The following UBR3 variants were observed in gnomAD, a reference collection of about 807,000 sequenced individuals.
The protein encoded by UBR3 is ubiquitin protein ligase E3 component n-recognin 3.
Under a neutral mutation model 243.2 loss-of-function variants are expected in UBR3, and 85 were observed. The ratio of observed to expected loss-of-function variants is 0.35; its 90% CI spans 0.29 to 0.42. UBR3 has a LOEUF of 0.42. UBR3 is among the 10% of genes least tolerant of loss of function. The pLI is 1.00. For missense variants in UBR3, 1,686 were observed against 2,300.8 expected (o/e 0.73, Z 5.47); for synonymous variants, 748 against 799.8 (o/e 0.94, Z 1.09).
intron 1 of UBR3, among the ~76,000 whole-genome samples, chr2:169,846,991 GC>G (rs1467453827): frequency 6.6e-6 from 1 of 152,058 alleles, no homozygotes; most frequent in East Asian, 1.9e-4. Flanking sequence ...TGGCCCCTTG[GC>G]CTTTCAAAGT....
chr2:169,966,533 A>C (rs1482890879), intron 24 of UBR3, among the ~76,000 whole-genome samples: 1 of 152,140 alleles, frequency 6.6e-6, no homozygotes. Flanking sequence ...GAATTTCCCT[A>C]CATTATTATT....
intron 10 of UBR3, among the ~76,000 whole-genome samples, chr2:169,908,534 G>C (rs2085108967): frequency 6.6e-6 from 1 of 152,044 alleles, no homozygotes; most frequent in African/African-American, 2.4e-5. Flanking sequence ...TAAGTTTTTG[G>C]TACTGAACCA....
intron 1 of UBR3, among the ~76,000 whole-genome samples, chr2:169,870,648 TA>T (rs2083404315): frequency 6.6e-6 from 1 of 152,028 alleles, no homozygotes; most frequent in African/African-American, 2.4e-5. Context: ...AACTGTCTTT[TA>T]TTATTATTAT....
At chr2:170,078,048 T>G in intron 36 of UBR3, 5 of 684,720 alleles carry the variant, frequency 7.3e-6, no homozygotes, top group Non-Finnish European at 8.3e-6. Flanking sequence ...AGGCAGGTAC[T>G]GCTCCCTGTG....
At chr2:169,853,912 G>C (rs1241693097) in intron 1 of UBR3, among the ~76,000 whole-genome samples, 1 of 151,964 alleles carries the variant, frequency 6.6e-6, no homozygotes, top group Non-Finnish European at 1.5e-5. Flanking sequence ...TCTAGTCTTG[G>C]GACTTCCTTG....
chr2:169,860,161 A>G (rs2083039834), intron 1 of UBR3, among the ~76,000 whole-genome samples: 1 of 151,946 alleles, frequency 6.6e-6, no homozygotes, highest in Non-Finnish European at 1.5e-5. Flanking sequence ...TTTTGGGTCT[A>G]TGTCTGTTAA....
intron 35 of UBR3, among the ~76,000 whole-genome samples, chr2:170,061,981 G>C (rs1447416334): frequency 6.6e-6 from 1 of 152,148 alleles, no homozygotes; most frequent in Admixed American, 6.6e-5. Flanking sequence ...GATCAATGAT[G>C]ATACATTCCC....
In UBR3 at chr2:170,080,551, C is replaced by G; in HGVS notation, c.5416C>G (p.Gln1806Glu). The change falls in exon 38 of 39, where the codon CAG becomes GAG. Residue 1806 changes from glutamine (Q) to glutamate (E), a missense_variant. Coordinates refer to ENST00000272793, the MANE Select transcript of UBR3 (RefSeq NM_172070.4). ...QSYCECVLHS[Q>E]NCGAGTGIFL... ...TATATTTTTAATTTTTTAGCACTCT[C>G]AGAACTGTGGTGCAGGAACAGGTAT... The G allele has an allele frequency of 1.2e-6, 2 of 1,610,278 alleles. No homozygotes were observed. The highest frequency in any genetic ancestry group is 8.5e-7 in the Non-Finnish European group (1 of 1,178,254).
At chr2:170,039,332 T>A (rs74960582) in intron 31 of UBR3, among the ~76,000 whole-genome samples, 1 of 152,160 alleles carries the variant, frequency 6.6e-6, no homozygotes, top group Non-Finnish European at 1.5e-5. Flanking sequence ...TTGTTGATCA[T>A]GTGAAACTAT....
intron 1 of UBR3, among the ~76,000 whole-genome samples, chr2:169,857,649 A>G (rs1393128354): frequency 6.7e-6 from 1 of 148,548 alleles, no homozygotes; most frequent in Non-Finnish European, 1.5e-5. Flanking sequence ...CTGATCTCAA[A>G]CTCCTGACCT....
chr2:170,057,114 T>C (rs536125806), intron 33 of UBR3, among the ~76,000 whole-genome samples: 1 of 83,252 alleles, frequency 1.2e-5, no homozygotes, highest in East Asian at 4.7e-4. Flanking sequence ...ATCTTTAGTT[T>C]TTTCTTTTTT....
At chr2:170,017,676 A>AATGCCATTC (rs1403479858) in intron 30 of UBR3, among the ~76,000 whole-genome samples, 1 of 152,094 alleles carries the variant, frequency 6.6e-6, no homozygotes, top group Admixed American at 6.6e-5. Context: ...GAAATGGAAC[A>AATGCCATTC]ATGCCATTCA....
chr2:169,827,653 A>C lies in UBR3; in HGVS notation c.146A>C (p.Glu49Ala). 2 of 1,245,054 alleles carry C rather than the reference A, an allele frequency of 1.6e-6. No individual in the cohort carries two copies. Among genetic ancestry groups the C allele is most frequent in the Non-Finnish European group, 2.0e-6 (2 of 996,418 alleles). 77.1% of individuals were successfully genotyped at this position (1,245,054 alleles called of 1,614,324 possible). ...CGGCCGGACAACCGCGCAGGTGCTG[A>C]GGAGCTGCAGGCGCTGCTGGAGCGG... is the stretch of plus-strand genomic sequence containing the variant. ...LSRPDNRAGA[E>A]ELQALLERVL... The change falls in exon 1 of 39, where the codon GAG (glutamate) becomes GCG (alanine). Residue 49 changes from glutamate to alanine, a missense_variant. By Grantham distance (107) the Glu-to-Ala change is moderately radical. Coordinates refer to ENST00000272793, the MANE Select transcript of UBR3 (RefSeq NM_172070.4).
Position 170,029,598 on chromosome 2 carries a change from T to C in UBR3, c.4556+150T>C, listed in dbSNP as rs16857495. 1.8e-3 allele frequency: 1,134 copies of C among 628,284 alleles called. 13 individuals are homozygous for C. The African/African-American group carries it at 0.019, about 11-fold the overall frequency. The allele number at this position is 628,284 out of a possible 1,614,324, so 38.9% of individuals were successfully genotyped here. A position where few individuals can be genotyped will look rare whatever the true frequency, so the allele number is the denominator to read the frequency against. On this transcript the variant is annotated intron_variant, in intron 31 of 38. Coordinates refer to ENST00000272793, the MANE Select transcript of UBR3 (RefSeq NM_172070.4). ...ATATATCATAAGAATTGAAAACAGT[T>C]TACCATTATGCTGTCTGTAAAAATT...
At chr2:169,887,796 G>C (rs1406911022) in intron 5 of UBR3, among the ~76,000 whole-genome samples, 1 of 146,012 alleles carries the variant, frequency 6.8e-6, no homozygotes, top group Non-Finnish European at 1.5e-5. Flanking sequence ...TTTTTTTTGA[G>C]ACGGAGTTTT....
intron 1 of UBR3, among the ~76,000 whole-genome samples, chr2:169,833,882 C>G (rs1313550673): frequency 6.6e-6 from 1 of 151,952 alleles, no homozygotes; most frequent in Non-Finnish European, 1.5e-5. Context: ...CTCCCAGGCT[C>G]AAGTGATCTC....
At chr2:170,009,177 A>T (rs981464319) in intron 29 of UBR3, among the ~76,000 whole-genome samples, 3 of 152,192 alleles carry the variant, frequency 2.0e-5, no homozygotes, top group Admixed American at 1.3e-4. Context: ...ACATGGGGGA[A>T]AGTATGTTAC....
intron 35 of UBR3, among the ~76,000 whole-genome samples, chr2:170,068,128 C>T (rs2091617735): frequency 6.6e-6 from 1 of 152,014 alleles, no homozygotes; most frequent in South Asian, 2.1e-4. Flanking sequence ...TTGTGGGATC[C>T]AGCTAAAGCA....
At chr2:169,887,396 C>T (rs2084144284) in intron 5 of UBR3, among the ~76,000 whole-genome samples, 1 of 152,202 alleles carries the variant, frequency 6.6e-6, no homozygotes, top group African/African-American at 2.4e-5. Context: ...ACAAATGAAC[C>T]TTAGCTCCAC....
Sources: allele counts gnomAD v4.1 joint callset (sites outside exome capture counted in the v4.1 genomes callset), GRCh38; gene constraint gnomAD v4.1.1; transcripts MANE v1.5; gene names NCBI Gene and HGNC (gene_info 2026-07-23, HGNC 2026-07-21).